LHPP: variants seen among roughly 807,000 people sequenced by gnomAD.
LHPP encodes the protein phospholysine phosphohistidine inorganic pyrophosphate phosphatase, also known as hLHPP.
In LHPP, 24 loss-of-function variants were observed where a neutral mutation model predicts 30.3. That is an observed-to-expected ratio of 0.79 (90% CI 0.57 to 1.11). The LOEUF is 1.11. Ranked by LOEUF, LHPP falls within the 50% of genes most tolerant of loss-of-function variation. LHPP has a pLI of 0.00. For missense variants in LHPP, 356 were observed against 367.2 expected (o/e 0.97, Z 0.25); for synonymous variants, 150 against 157.1 (o/e 0.95, Z 0.34).
chr10:124,480,212 G>C (rs987245704), intron 1 of LHPP, among the ~76,000 whole-genome samples: 5 of 152,176 alleles, frequency 3.3e-5, no homozygotes, highest in Admixed American at 1.3e-4. Flanking sequence ...GGCTCAAAGG[G>C]GGGTGTGGTC....
chr10:124,507,959 C>T (rs143045504), intron 5 of LHPP, among the ~76,000 whole-genome samples: 5,992 of 146,460 alleles, frequency 0.041, 237 homozygotes, highest in Non-Finnish European at 0.063. Flanking sequence ...CTTCATGGCT[C>T]GCACCCTCAG....
At chr10:124,542,334 C>A (rs1162135016) in intron 6 of LHPP, among the ~76,000 whole-genome samples, 1 of 152,188 alleles carries the variant, frequency 6.6e-6, no homozygotes, top group Non-Finnish European at 1.5e-5. Context: ...TTACAGATAC[C>A]TGCACAACAG....
At chr10:124,464,545 C>T (rs766423882) in intron 1 of LHPP, among the ~76,000 whole-genome samples, 8 of 152,216 alleles carry the variant, frequency 5.3e-5, no homozygotes, top group Middle Eastern at 3.2e-3. Flanking sequence ...CCTGGGTCTG[C>T]TCTCAGTGTT....
At chr10:124,603,963 G>A (rs1949061396) in intron 6 of LHPP, among the ~76,000 whole-genome samples, 1 of 152,236 alleles carries the variant, frequency 6.6e-6, no homozygotes. Context: ...GGAGTGCTGG[G>A]CTCAGGTGCC....
At chr10:124,463,846 A>G (rs1342937203) in intron 1 of LHPP, among the ~76,000 whole-genome samples, 2 of 133,522 alleles carry the variant, frequency 1.5e-5, no homozygotes, top group Admixed American at 1.6e-4. Flanking sequence ...TTTTGAGACA[A>G]GGTCTTACTT....
Position 124,498,131 on chromosome 10 carries a change from A to T in LHPP, c.624+3A>T, listed in dbSNP as rs373656060. On this transcript the variant is annotated splice_donor_region_variant and intron_variant, in intron 5 of 6. Transcript: ENST00000368842. ...CGATAGGAGTGGAAGCCCACCAGGTAGGTTGGCGCCTTGTGAAGTGGGTCA... is the reference window on the plus strand; with the variant it reads ...CGATAGGAGTGGAAGCCCACCAGGTTGGTTGGCGCCTTGTGAAGTGGGTCA... 1.1e-5 allele frequency: 17 copies of T among 1,612,958 alleles called. No homozygotes were observed. The highest frequency in any genetic ancestry group is 1.4e-5 in the Non-Finnish European group (16 of 1,179,114).
At chr10:124,465,418 A>G (rs955508347) in intron 1 of LHPP, among the ~76,000 whole-genome samples, 1 of 152,228 alleles carries the variant, frequency 6.6e-6, no homozygotes, top group Non-Finnish European at 1.5e-5. Flanking sequence ...AAGAAATACA[A>G]ATGTAAAAAG....
intron 6 of LHPP, among the ~76,000 whole-genome samples, chr10:124,552,958 A>G (rs1000106931): frequency 6.6e-6 from 1 of 152,274 alleles, no homozygotes; most frequent in African/African-American, 2.4e-5. Context: ...CGTAATTAAC[A>G]TTTACCAAAA....
chr10:124,613,147 A>T, intron 6 of LHPP, 117 bp from the exon 7 acceptor site: 1 of 799,822 alleles, frequency 1.3e-6, no homozygotes, highest in South Asian at 1.4e-5. Context: ...GCTGCCTGGC[A>T]GGACCTGGAG....
At chr10:124,580,841 C>A (rs1439093939) in intron 6 of LHPP, among the ~76,000 whole-genome samples, 1 of 151,788 alleles carries the variant, frequency 6.6e-6, no homozygotes, top group African/African-American at 2.4e-5. Context: ...GCCTCAGCCT[C>A]CTGAGTAGCT....
chr10:124,597,137 G>T (rs983477919), intron 6 of LHPP, among the ~76,000 whole-genome samples: 1 of 152,182 alleles, frequency 6.6e-6, no homozygotes, highest in Non-Finnish European at 1.5e-5. Flanking sequence ...CTCTCGGGAG[G>T]TGTCGGCTTC....
At chr10:124,587,604 G>T (rs7901674) in intron 6 of LHPP, among the ~76,000 whole-genome samples, 6 of 151,468 alleles carry the variant, frequency 4.0e-5, no homozygotes, top group African/African-American at 1.5e-4. Context: ...GCCAGGCATG[G>T]TGGCACACTC....
intron 6 of LHPP, among the ~76,000 whole-genome samples, chr10:124,589,927 G>A (rs1053968830): frequency 6.6e-6 from 1 of 152,204 alleles, no homozygotes; most frequent in Non-Finnish European, 1.5e-5. Context: ...TCGGGCTGGC[G>A]GGGCTCGGGA....
chr10:124,539,067 C>A (rs1254784536), intron 6 of LHPP, among the ~76,000 whole-genome samples: 1 of 152,156 alleles, frequency 6.6e-6, no homozygotes, highest in Non-Finnish European at 1.5e-5. Context: ...TATTCGGGGC[C>A]TCTTATTGAG....
chr10:124,590,536 AC>A lies in LHPP; in HGVS notation c.717-22726del, dbSNP rs752944496. 9.3e-4 allele frequency among the ~76,000 whole-genome samples: 141 copies of A among 151,910 alleles called. No homozygotes were observed. The highest frequency in any genetic ancestry group is 1.9e-3 in the Non-Finnish European group (128 of 67,970). On this transcript the variant is annotated intron_variant, in intron 6 of 6. Transcript: ENST00000368842. This position sits in a 1 kb window ranked among gnomAD's most constrained non-coding sequence, Gnocchi z 4.3. ...CTCTCCTGCCAAGCCCCCACCCAGCACCTGTCCCTTGTGTCATGACTGGACT... is the reference window on the plus strand; with the variant it reads ...CTCTCCTGCCAAGCCCCCACCCAGCACTGTCCCTTGTGTCATGACTGGACT...
In LHPP at chr10:124,613,539, A is replaced by C; in HGVS notation, c.*179A>C. 2 of 623,720 alleles carry C rather than the reference A, an allele frequency of 3.2e-6. No homozygotes were observed. Among genetic ancestry groups the C allele is most frequent in the Non-Finnish European group, 5.8e-6 (2 of 344,486 alleles). The allele number at this position is 623,720 out of a possible 1,614,324, so 38.6% of individuals were successfully genotyped here. On this transcript the variant is annotated 3_prime_UTR_variant, in exon 7 of 7. Coordinates refer to ENST00000368842, the MANE Select transcript of LHPP (RefSeq NM_022126.4). The stretch of plus-strand genomic sequence containing the variant: ...TGCCCAGACCAACCAAGGCCCTGAC[A>C]GCCCTGCCTTCTGCCCTCTGCCCTG...
intron 3 of LHPP, among the ~76,000 whole-genome samples, chr10:124,492,590 C>G (rs1444175948): frequency 1.3e-5 from 2 of 152,194 alleles, no homozygotes; most frequent in Non-Finnish European, 2.9e-5. Flanking sequence ...TCCTAGTTCA[C>G]CGATTTAAAT....
At chr10:124,604,396 T>C (rs1196765234) in intron 6 of LHPP, among the ~76,000 whole-genome samples, 2 of 152,184 alleles carry the variant, frequency 1.3e-5, no homozygotes, top group Non-Finnish European at 2.9e-5. Context: ...GTGGCCGTGC[T>C]GGGCCAGCAC....
At chr10:124,570,689 C>G (rs1159139353) in intron 6 of LHPP, among the ~76,000 whole-genome samples, 2 of 152,228 alleles carry the variant, frequency 1.3e-5, no homozygotes, top group East Asian at 1.9e-4. Context: ...TTCGCCCGCT[C>G]TGGGCATTTC....
Sources: gnomAD v4.1 joint callset for allele counts (sites outside exome capture counted in the v4.1 genomes callset) on GRCh38, gnomAD v4.1.1 for gene constraint, Gnocchi (gnomAD v3.1) non-coding constraint, MANE v1.5 for transcripts, NCBI Gene and HGNC (gene_info 2026-07-23, HGNC 2026-07-21) for gene names.